The following CAMTA2 variants were observed in gnomAD, a reference collection of about 807,000 sequenced individuals.
The protein encoded by CAMTA2 is calmodulin binding transcription activator 2, also known as calmodulin-binding transcription activator 2.
In CAMTA2, 56 loss-of-function variants were observed where a neutral mutation model predicts 135.7. The observed-to-expected ratio is 0.41, with a 90% confidence interval of 0.33 to 0.52. The LOEUF is 0.52. Among genes scored for constraint, CAMTA2 ranks in the 20% least tolerant of loss-of-function variants. The pLI, the probability that CAMTA2 is intolerant of heterozygous loss-of-function variation, is 0.16. For missense variants in CAMTA2, 1,358 were observed against 1,553.4 expected (o/e 0.87, Z 2.11); for synonymous variants, 591 against 604.6 (o/e 0.98, Z 0.33).
chr17:4,981,397 G>A (rs376950189), intron 7 of CAMTA2, 38 bp from the exon 8 acceptor site: 19 of 1,607,850 alleles, frequency 1.2e-5, no homozygotes, highest in African/African-American at 9.4e-5. Context: ...GGATCCCCAC[G>A]AAACAGGCCC....
In CAMTA2 at chr17:4,980,639, AGGAG is replaced by A. The variant is rs1972905544; in HGVS notation, c.701-22_701-19del. 6.3e-7 allele frequency: 1 copy of A among 1,591,978 alleles called. No homozygotes were observed. The highest frequency in any genetic ancestry group is 1.3e-5 in the African/African-American group (1 of 74,386). The stretch of plus-strand genomic sequence containing the variant: ...CCCAGAACCTGGAGTGGAGAGGAGT[AGGAG>A]GGAGAGGAGATAAGACACATCATTC... On this transcript the variant is annotated intron_variant, in intron 8 of 22. Transcript: ENST00000348066. This position sits in a 1 kb window ranked among gnomAD's most constrained non-coding sequence, Gnocchi z 5.3.
At chr17:4,987,356 C>T in intron 1 of CAMTA2, 1 of 1,355,840 alleles carries the variant, frequency 7.4e-7, no homozygotes, top group Non-Finnish European at 9.4e-7. Context: ...GGGCGAGGGA[C>T]AGTGCAGGTG....
intron 3 of CAMTA2, chr17:4,983,788 T>G (rs1406091218): frequency 6.6e-6 from 1 of 152,006 alleles, no homozygotes; most frequent in Non-Finnish European, 1.5e-5. Context: ...TTCACCATGT[T>G]GGCCATGCTG....
Position 4,968,288 on chromosome 17 carries a change from C to T in CAMTA2, c.*468G>A. 1 of 274,998 alleles carries T rather than the reference C, an allele frequency of 3.6e-6. No individual in the cohort carries two copies. The highest frequency in any genetic ancestry group is 7.1e-6 in the Non-Finnish European group (1 of 141,510). 17.0% of individuals were successfully genotyped at this position (274,998 alleles called of 1,614,324 possible). Reference sequence around the variant, plus strand: ...AGTCGGGTGATGGGGTAAGACAGGGCCAGAGAGGGAGGAAACAGACGCAAA... The same window carrying T: ...AGTCGGGTGATGGGGTAAGACAGGGTCAGAGAGGGAGGAAACAGACGCAAA... On this transcript the variant is annotated 3_prime_UTR_variant, in exon 23 of 23. Coordinates refer to ENST00000348066, the MANE Select transcript of CAMTA2 (RefSeq NM_015099.4).
intron 17 of CAMTA2, 123 bp from the exon 18 acceptor site, chr17:4,970,208 G>A (rs1972191080): frequency 7.2e-7 from 1 of 1,389,430 alleles, no homozygotes; most frequent in African/African-American, 1.4e-5. Flanking sequence ...GAGTTCATCA[G>A]CCAGTTCAGT....
rs188269820 is a variant in CAMTA2, at chr17:4,976,986, G to C, written c.1900+72C>G. On this transcript the variant is annotated intron_variant, in intron 11 of 22. Transcript: ENST00000348066. ...GCTCAGTGATGGCCACCTGAACCCT[G>C]AGTGGTCTAGGAGCATGTCATGCTT... The C allele has an allele frequency of 1.0e-4, 152 of 1,465,628 alleles. 1 individual carries two copies. In the East Asian group the frequency reaches 3.6e-3, roughly 34 times the overall value. The allele number at this position is 1,465,628 out of a possible 1,614,324, so 90.8% of individuals were successfully genotyped here. A position where few individuals can be genotyped will look rare whatever the true frequency, so the allele number is the denominator to read the frequency against.
chr17:4,984,414 C>T (rs1292839123), intron 3 of CAMTA2, among the ~76,000 whole-genome samples: 2 of 152,166 alleles, frequency 1.3e-5, no homozygotes, highest in Non-Finnish European at 2.9e-5. Flanking sequence ...ATGTTAGTGC[C>T]CTACAAGGCA....
rs769198071 is a variant in CAMTA2 at position 4,979,949 on chromosome 17, G to A, written c.1373C>T (p.Ala458Val). The A allele has an allele frequency of 1.9e-6, 3 of 1,612,822 alleles. No individual in the cohort carries two copies. Among genetic ancestry groups the A allele is most frequent in the South Asian group, 2.2e-5 (2 of 91,024 alleles). ...DSGEELKGHG[A>V]APPIPSPPPS... The stretch of plus-strand genomic sequence containing the variant: ...AGGGGGTGAAGGTATGGGTGGGGCA[G>A]CCCCGTGACCCTTGAGCTCCTCCCC... The change falls in exon 9 of 23, where the codon GCT becomes GTT. Residue 458 changes from alanine (A) to valine (V), a missense_variant. Ala to Val is a moderately conservative substitution (Grantham distance 64). Transcript: ENST00000348066.
In CAMTA2 at chr17:4,980,239, G is replaced by A. The variant is rs754668945; in HGVS notation, c.1083C>T (p.Gly361=). 1 of 1,583,788 alleles carries A rather than the reference G, an allele frequency of 6.3e-7. No homozygotes were observed. Among genetic ancestry groups the A allele is most frequent in the Non-Finnish European group, 8.6e-7 (1 of 1,163,460 alleles). Reference sequence around the variant, plus strand: ...GAGCTGGTGGGGCAGAAGGCTCAGTGCCTACAACCACTGCCAAACTCATGG... The same window carrying A: ...GAGCTGGTGGGGCAGAAGGCTCAGTACCTACAACCACTGCCAAACTCATGG... The part of the protein sequence containing the change: ...RPSMSLAVVV[G]TEPSAPPAPP... The change falls in exon 9 of 23, where the codon GGC becomes GGT. Residue 361 remains glycine, a synonymous_variant. Coordinates refer to ENST00000348066, the MANE Select transcript of CAMTA2 (RefSeq NM_015099.4). This position sits in a 1 kb window ranked among gnomAD's most constrained non-coding sequence, Gnocchi z 5.3.
Position 4,981,371 on chromosome 17 carries a change from A to T in CAMTA2, c.566-12T>A, listed in dbSNP as rs775825094. On this transcript the variant is annotated splice_polypyrimidine_tract_variant and intron_variant, in intron 7 of 22. Coordinates refer to ENST00000348066, the MANE Select transcript of CAMTA2 (RefSeq NM_015099.4). ...CTTGATGCCATGAACTAGAGAAGTT[A>T]GGGGGAAGTGCTGTGGGATCCCCAC... 21 of 1,613,410 alleles carry T rather than the reference A, an allele frequency of 1.3e-5. No individual in the cohort carries two copies. Among genetic ancestry groups the T allele is most frequent in the Non-Finnish European group, 1.8e-5 (21 of 1,179,544 alleles).
intron 11 of CAMTA2, 120 bp downstream of exon 11, chr17:4,976,938 A>G: frequency 1.1e-6 from 1 of 917,662 alleles, no homozygotes; most frequent in Non-Finnish European, 1.6e-6. Flanking sequence ...TAGGAATTGA[A>G]AAAAAAAAAT....
chr17:4,972,333 A>C lies in CAMTA2; in HGVS notation c.2707T>G (p.Ser903Ala). Reference protein sequence around the residue: ...LLLMDYEATNSKGPLSSLPAL... With the variant: ...LLLMDYEATNAKGPLSSLPAL... ...GGAAGGGAGGAGAGGGGCCCCTTGG[A>C]GTTGGTAGCCTCATAGTCCATGAGG... Residue 903 changes from serine to alanine, a missense_variant, in exon 16 of 23, where the codon TCC (serine) becomes GCC (alanine). Ser to Ala is a moderately conservative substitution (Grantham distance 99). Around this residue, in one of 4 missense-constraint regions of CAMTA2, gnomAD observed 1,077 missense variants for 1,127.5 expected, o/e 0.96. Transcript: ENST00000348066. The C allele has an allele frequency of 6.2e-7, 1 of 1,613,444 alleles. No homozygotes were observed. Among genetic ancestry groups the C allele is most frequent in the East Asian group, 2.2e-5 (1 of 44,874 alleles).
chr17:4,987,608 G>C lies in CAMTA2; in HGVS notation c.-80C>G, dbSNP rs1465824067. The C allele has an allele frequency of 5.2e-6, 8 of 1,527,598 alleles. No homozygotes were observed. 94.6% of individuals were successfully genotyped at this position (1,527,598 alleles called of 1,614,324 possible). ...TGGCTCTTACCTCCCGGGGTCCCGC[G>C]GGTGACGGCGGCAGCGGCCATTCTA... On this transcript the variant is annotated 5_prime_UTR_variant, in exon 1 of 23. Coordinates refer to ENST00000348066, the MANE Select transcript of CAMTA2 (RefSeq NM_015099.4).
Position 4,968,814 on chromosome 17 carries a change from C to T in CAMTA2, c.3551G>A (p.Arg1184Lys). The change falls in exon 23 of 23, where the codon AGG (arginine) becomes AAG (lysine). Residue 1184 changes from arginine to lysine, a missense_variant. This residue lies in a region of CAMTA2 where 167 missense variants were observed against 207.0 expected (regional missense o/e 0.81). Coordinates refer to ENST00000348066, the MANE Select transcript of CAMTA2 (RefSeq NM_015099.4). Reference sequence around the variant, plus strand: ...CAGCTCCTGGTTCTGCTTCAGTTCCCTCATCCTGCAGAGAGAAAGATAGGA... The same window carrying T: ...CAGCTCCTGGTTCTGCTTCAGTTCCTTCATCCTGCAGAGAGAAAGATAGGA... ...RFLRRCRHRM[R>K]ELKQNQELEG... is the part of the protein sequence containing the mutation. 1.2e-6 allele frequency: 2 copies of T among 1,614,138 alleles called. No individual in the cohort carries two copies. Among genetic ancestry groups the T allele is most frequent in the African/African-American group, 1.3e-5 (1 of 75,064 alleles).
chr17:4,975,079 T>G (rs1972533662), intron 11 of CAMTA2, among the ~76,000 whole-genome samples: 1 of 151,706 alleles, frequency 6.6e-6, no homozygotes, highest in South Asian at 2.1e-4. Context: ...CTCCTCCTCC[T>G]CCCCGCCCCA....
chr17:4,972,883 C>T lies in CAMTA2; in HGVS notation c.2389G>A (p.Ala797Thr). 1 of 1,613,904 alleles carries T rather than the reference C, an allele frequency of 6.2e-7. No homozygotes were observed. Reference protein sequence around the residue: ...DSLGRLPLSVAHSRGHVRLAR... With the variant: ...DSLGRLPLSVTHSRGHVRLAR... ...AGGCGCACATGACCCCGGGAATGAG[C>T]CACAGACAATGGCAGACGGCCCAGA... Residue 797 changes from alanine to threonine, a missense_variant, in exon 15 of 23, where the codon GCT (alanine) becomes ACT (threonine). By Grantham distance (58) the Ala-to-Thr change is moderately conservative. Transcript: ENST00000348066.
intron 11 of CAMTA2, among the ~76,000 whole-genome samples, chr17:4,976,691 A>G (rs1335725225): frequency 6.6e-6 from 1 of 152,108 alleles, no homozygotes; most frequent in East Asian, 1.9e-4. Context: ...ACAGAGCAAG[A>G]CTCCGTCTCA....
chr17:4,979,973 C>T lies in CAMTA2; in HGVS notation c.1349G>A (p.Gly450Glu), dbSNP rs1358934234. 1 of 1,613,452 alleles carries T rather than the reference C, an allele frequency of 6.2e-7. No homozygotes were observed. The highest frequency in any genetic ancestry group is 2.2e-5 in the East Asian group (1 of 44,874). ...NCFFIQDDDSGEELKGHGAAP... is the reference protein window; with the variant it reads ...NCFFIQDDDSEEELKGHGAAP... ...AGCCCCGTGACCCTTGAGCTCCTCC[C>T]CACTGTCATCATCTTGGATGAAGAA... The change falls in exon 9 of 23, where the codon GGG (glycine) becomes GAG (glutamate). Residue 450 changes from glycine (G) to glutamate (E), a missense_variant. Physicochemically the swap from Gly to Glu is moderately conservative, Grantham distance 98 (BLOSUM62 -2). This residue lies in a region of CAMTA2 where 1,077 missense variants were observed against 1,127.5 expected (regional missense o/e 0.96). Transcript: ENST00000348066.
At chr17:4,987,248 G>A (rs892583108) in intron 1 of CAMTA2, 1 of 1,342,456 alleles carries the variant, frequency 7.4e-7, no homozygotes, top group African/African-American at 1.5e-5. Flanking sequence ...GCCCCCCGGC[G>A]GAGTGGTGGT....
Sources: allele counts gnomAD v4.1 joint callset (sites outside exome capture counted in the v4.1 genomes callset), GRCh38; gene constraint gnomAD v4.1.1; regional missense constraint gnomAD v4.1.1; non-coding constraint Gnocchi (gnomAD v3.1); transcripts MANE v1.5; gene names NCBI Gene and HGNC (gene_info 2026-07-23, HGNC 2026-07-21).